Variants in CFAP299 observed in about 807,000 individuals in gnomAD.
The protein encoded by CFAP299 is cilia- and flagella-associated protein 299.
In CFAP299, 21 loss-of-function variants were observed where a neutral mutation model predicts 27.0. The observed-to-expected ratio is 0.78, with a 90% CI of 0.55 to 1.12. The LOEUF is 1.12. CFAP299 is among the 50% of genes most tolerant of loss of function. CFAP299 has a pLI of 0.00. For missense variants in CFAP299, 310 were observed against 276.6 expected (o/e 1.12, Z -0.86); for synonymous variants, 104 against 98.1 (o/e 1.06, Z -0.36).
At chr4:80,355,444 G>T (rs542627912) in intron 1 of CFAP299, among the ~76,000 whole-genome samples, 1 of 129,250 alleles carries the variant, frequency 7.7e-6, no homozygotes, top group East Asian at 2.6e-4. Flanking sequence ...TGCAACCTCC[G>T]CCTCCCGGGT....
At chr4:80,417,993 C>A (rs888697169) in intron 2 of CFAP299, among the ~76,000 whole-genome samples, 2 of 152,130 alleles carry the variant, frequency 1.3e-5, no homozygotes, top group Non-Finnish European at 2.9e-5. Context: ...ACATCCCAGC[C>A]TCTAGAACTG....
intron 2 of CFAP299, among the ~76,000 whole-genome samples, chr4:80,439,888 A>C (rs1185220435): frequency 6.6e-6 from 1 of 152,128 alleles, no homozygotes; most frequent in African/African-American, 2.4e-5. Context: ...ACCATTACTG[A>C]GGCTTGAGTA....
upstream of CFAP299, among the ~76,000 whole-genome samples, chr4:80,330,973 A>C (rs1721919409): frequency 6.6e-6 from 1 of 152,228 alleles, no homozygotes; most frequent in African/African-American, 2.4e-5. Context: ...TCTAATAAGC[A>C]GTATAGACAT....
At chr4:80,858,894 G>T (rs1732116025) in intron 3 of CFAP299, among the ~76,000 whole-genome samples, 2 of 152,128 alleles carry the variant, frequency 1.3e-5, no homozygotes, top group South Asian at 2.1e-4. Flanking sequence ...CTGTTGATTT[G>T]GGGTGGAGAG....
chr4:80,504,505 A>ATT lies in CFAP299; in HGVS notation c.243-78585_243-78584dup, dbSNP rs1553929244. Among the ~76,000 whole-genome samples the ATT allele has an allele frequency of 3.0e-3, 325 of 110,110 alleles. 2 individuals are homozygous for ATT. The highest frequency in any genetic ancestry group is 0.011 in the Middle Eastern group (2 of 180). The allele number at this position is 110,110 out of a possible 152,430, so 72.2% of individuals were successfully genotyped here. A position where few individuals can be genotyped will look rare whatever the true frequency, so the allele number is the denominator to read the frequency against. On this transcript the variant is annotated intron_variant, in intron 2 of 5. Transcript: ENST00000358105. ...TATATATATATATATATATATATAT[A>ATT]TTTTCCTTTGAAAGAATGCAATGAA...
At chr4:80,810,546 A>T (rs956349580) in intron 3 of CFAP299, among the ~76,000 whole-genome samples, 82 of 152,230 alleles carry the variant, frequency 5.4e-4, no homozygotes, top group African/African-American at 1.7e-3. Context: ...CACAGAGAAG[A>T]ATGCAACGTG....
chr4:80,724,925 T>C (rs1438456562), intron 3 of CFAP299, among the ~76,000 whole-genome samples: 1 of 149,644 alleles, frequency 6.7e-6, no homozygotes, highest in African/African-American at 2.5e-5. Flanking sequence ...CCTTCTTTCT[T>C]CTTTCTTTCT....
intron 3 of CFAP299, among the ~76,000 whole-genome samples, chr4:80,730,246 CTCTGTGTG>C (rs1316210339): frequency 8.2e-5 from 11 of 134,744 alleles, no homozygotes; most frequent in African/African-American, 1.9e-4. Flanking sequence ...CTCTCTCTCT[CTCTGTGTG>C]TGTGTGTGTG....
At chr4:80,615,252 G>T (rs1180503782) in intron 3 of CFAP299, among the ~76,000 whole-genome samples, 2 of 152,126 alleles carry the variant, frequency 1.3e-5, no homozygotes, top group African/African-American at 4.8e-5. Flanking sequence ...AACAATCAGA[G>T]TGCAGAATTT....
chr4:80,670,316 A>T (rs1340803463), intron 3 of CFAP299, among the ~76,000 whole-genome samples: 1 of 152,084 alleles, frequency 6.6e-6, no homozygotes, highest in Non-Finnish European at 1.5e-5. Context: ...AAGGACATGA[A>T]CTCATCCTTT....
At chr4:80,765,936 CA>C (rs1375373870) in intron 3 of CFAP299, among the ~76,000 whole-genome samples, 3 of 151,648 alleles carry the variant, frequency 2.0e-5, no homozygotes, top group African/African-American at 7.3e-5. Context: ...ACAATAAAAC[CA>C]AAATGTACAA....
chr4:80,481,577 A>G (rs1052042524), intron 2 of CFAP299, among the ~76,000 whole-genome samples: 2 of 152,012 alleles, frequency 1.3e-5, no homozygotes, highest in Admixed American at 1.3e-4. Flanking sequence ...GTAGCCACCA[A>G]ATGCTGATAA....
At chr4:80,604,382 T>C (rs1737526572) in intron 3 of CFAP299, among the ~76,000 whole-genome samples, 1 of 152,152 alleles carries the variant, frequency 6.6e-6, no homozygotes, top group South Asian at 2.1e-4. Context: ...GAAGTGTATG[T>C]GACTAAAAGT....
intron 2 of CFAP299, among the ~76,000 whole-genome samples, chr4:80,430,216 C>G (rs1727742659): frequency 6.6e-6 from 1 of 152,102 alleles, no homozygotes; most frequent in Admixed American, 6.6e-5. Context: ...ATGACAAACA[C>G]AGAAAAAATT....
intron 2 of CFAP299, among the ~76,000 whole-genome samples, chr4:80,486,324 C>T (rs1219517332): frequency 6.6e-6 from 1 of 152,132 alleles, no homozygotes; most frequent in East Asian, 1.9e-4. Flanking sequence ...CAAATTGTAG[C>T]TGTGTTTTCT....
At chr4:80,798,758 T>C (rs551299774) in intron 3 of CFAP299, among the ~76,000 whole-genome samples, 1 of 152,214 alleles carries the variant, frequency 6.6e-6, no homozygotes, top group Admixed American at 6.6e-5. Flanking sequence ...CAATCAGCTT[T>C]ATTATATTCC....
chr4:80,712,296 A>C (rs2110037683), intron 3 of CFAP299, among the ~76,000 whole-genome samples: 1 of 152,332 alleles, frequency 6.6e-6, no homozygotes. Flanking sequence ...ACTGAGAAAA[A>C]GAAGTGTTAC....
chr4:80,398,308 G>T (rs975671769), intron 2 of CFAP299, among the ~76,000 whole-genome samples: 6 of 152,116 alleles, frequency 3.9e-5, no homozygotes, highest in African/African-American at 1.4e-4. Flanking sequence ...AGCTACCAAT[G>T]ACTTTCTTCA....
chr4:80,534,718 G>A (rs552358666), intron 2 of CFAP299, among the ~76,000 whole-genome samples: 2 of 152,148 alleles, frequency 1.3e-5, no homozygotes, highest in East Asian at 3.9e-4. Context: ...TATGACACTA[G>A]AAATGTCACT....
Sources: allele counts gnomAD v4.1 joint callset (sites outside exome capture counted in the v4.1 genomes callset), GRCh38; gene constraint gnomAD v4.1.1; transcripts MANE v1.5; gene names NCBI Gene and HGNC (gene_info 2026-07-23, HGNC 2026-07-21).